The following SCFD2 variants were observed in gnomAD, a reference collection of about 807,000 sequenced individuals.
The protein encoded by SCFD2 is sec1 family domain-containing protein 2.
Under a neutral mutation model 58.9 loss-of-function variants are expected in SCFD2, and 54 were observed. That is an observed-to-expected ratio of 0.92 (90% CI 0.74 to 1.15). The LOEUF (loss-of-function observed/expected upper bound fraction) is 1.15. Among genes scored for constraint, SCFD2 ranks in the 50% most tolerant of loss-of-function variants. SCFD2 has a pLI of 0.00. For synonymous variants in SCFD2, 321 were observed against 335.9 expected (o/e 0.96, Z 0.49); for missense variants, 805 against 836.6 (o/e 0.96, Z 0.47).
chr4:53,201,165 C>A (rs1728221524), intron 4 of SCFD2, among the ~76,000 whole-genome samples: 2 of 149,418 alleles, frequency 1.3e-5, no homozygotes, highest in Admixed American at 6.7e-5. Flanking sequence ...CTAATGCTAT[C>A]CCTCCCTCCT....
At chr4:53,299,738 G>C (rs1164609142) in intron 3 of SCFD2, among the ~76,000 whole-genome samples, 8 of 152,188 alleles carry the variant, frequency 5.3e-5, no homozygotes, top group South Asian at 4.2e-4. Flanking sequence ...ATCAGACTAA[G>C]AGCTGATCTC....
chr4:53,105,070 C>T (rs1230813819), intron 5 of SCFD2, among the ~76,000 whole-genome samples: 4 of 152,020 alleles, frequency 2.6e-5, no homozygotes, highest in Non-Finnish European at 4.4e-5. Context: ...TGCCTTACCC[C>T]AGAAGTGCAA....
chr4:52,900,124 T>C (rs1719146341), intron 7 of SCFD2, among the ~76,000 whole-genome samples: 1 of 152,198 alleles, frequency 6.6e-6, no homozygotes, highest in South Asian at 2.1e-4. Context: ...AGTAGTTTGA[T>C]CTTCTGCAGC....
At chr4:52,900,992 G>A (rs1304880062) in intron 7 of SCFD2, among the ~76,000 whole-genome samples, 1 of 152,196 alleles carries the variant, frequency 6.6e-6, no homozygotes, top group Non-Finnish European at 1.5e-5. Context: ...CCCATTGGAA[G>A]AGCACAGTAT....
chr4:53,189,466 G>A (rs1451760757), intron 4 of SCFD2, among the ~76,000 whole-genome samples: 1 of 152,146 alleles, frequency 6.6e-6, no homozygotes, highest in Non-Finnish European at 1.5e-5. Flanking sequence ...ATCATGGACT[G>A]GGTAGCTTAA....
intron 5 of SCFD2, among the ~76,000 whole-genome samples, chr4:53,031,372 C>T (rs984929158): frequency 1.2e-4 from 19 of 152,302 alleles, no homozygotes; most frequent in African/African-American, 4.1e-4. Context: ...GCCTCTTCTC[C>T]TCTAAAGGAT....
At chr4:53,255,197 T>TTTTA (rs36000814) in intron 4 of SCFD2, among the ~76,000 whole-genome samples, 3,382 of 140,668 alleles carry the variant, frequency 0.024, 125 homozygotes, top group African/African-American at 0.075. Flanking sequence ...TTTTTTTCTT[T>TTTTA]TTTATTTATT....
intron 5 of SCFD2, among the ~76,000 whole-genome samples, chr4:53,123,858 G>A (rs1280049477): frequency 1.3e-5 from 2 of 152,182 alleles, no homozygotes; most frequent in Non-Finnish European, 2.9e-5. Context: ...GTAGGTCTAG[G>A]GTAGGACCTG....
intron 2 of SCFD2, among the ~76,000 whole-genome samples, chr4:53,335,854 T>A (rs1733668191): frequency 6.6e-6 from 1 of 152,214 alleles, no homozygotes; most frequent in Non-Finnish European, 1.5e-5. Flanking sequence ...AATGCAGCCA[T>A]ACCAAGCATC....
chr4:53,010,461 G>C (rs1722070086), intron 5 of SCFD2, among the ~76,000 whole-genome samples: 1 of 152,202 alleles, frequency 6.6e-6, no homozygotes, highest in Non-Finnish European at 1.5e-5. Context: ...GACACGCTAA[G>C]TTCTGCTGAA....
Position 53,335,580 on chromosome 4 carries a change from C to T in SCFD2, c.1007+17018G>A, listed in dbSNP as rs564282080. On this transcript the variant is annotated intron_variant, in intron 2 of 8. Coordinates refer to ENST00000401642, the MANE Select transcript of SCFD2 (RefSeq NM_152540.4). ...ATTATGACTATGTTGGAAAATATCC[C>T]TTTGAGAGAAATAAATACTAAAATA... 1.4e-4 allele frequency among the ~76,000 whole-genome samples: 21 copies of T among 152,238 alleles called. 1 individual carries two copies. The highest frequency in any genetic ancestry group is 4.3e-4 in the African/African-American group (18 of 41,550).
At chr4:53,048,723 C>T (rs186585007) in intron 5 of SCFD2, among the ~76,000 whole-genome samples, 6 of 152,296 alleles carry the variant, frequency 3.9e-5, no homozygotes, top group Non-Finnish European at 7.4e-5. Context: ...GATGGCCCTC[C>T]AGGCCCTGGG....
In SCFD2 at chr4:52,964,993, A is replaced by C. The variant is rs147202571; in HGVS notation, c.1562-44123T>G. Among the ~76,000 whole-genome samples, 7 of 147,930 alleles carry C rather than the reference A, an allele frequency of 4.7e-5. No homozygotes were observed. In the East Asian group the frequency reaches 1.4e-3, roughly 29 times the overall value. On this transcript the variant is annotated intron_variant, in intron 5 of 8. Coordinates refer to ENST00000401642, the MANE Select transcript of SCFD2 (RefSeq NM_152540.4). ...AAAGGCAAAATGTATGGTGGTGACT[A>C]AATGAATAAAACAAAACACAAACAC... is the stretch of plus-strand genomic sequence containing the variant.
chr4:53,058,336 G>T (rs1209355314), intron 5 of SCFD2, among the ~76,000 whole-genome samples: 1 of 151,936 alleles, frequency 6.6e-6, no homozygotes, highest in Non-Finnish European at 1.5e-5. Context: ...TAATGTTATA[G>T]TTAGTAAAAC....
chr4:53,198,395 T>G (rs1267874565), intron 4 of SCFD2, among the ~76,000 whole-genome samples: 1 of 151,878 alleles, frequency 6.6e-6, no homozygotes, highest in Non-Finnish European at 1.5e-5. Flanking sequence ...TAATTTCAAC[T>G]AAAAAATTAT....
At chr4:53,110,842 T>C (rs990707465) in intron 5 of SCFD2, among the ~76,000 whole-genome samples, 1 of 152,240 alleles carries the variant, frequency 6.6e-6, no homozygotes, top group African/African-American at 2.4e-5. Context: ...ACTGGGTATA[T>C]ACCCAAAGGA....
chr4:53,357,102 A>G (rs1734423252), intron 1 of SCFD2, among the ~76,000 whole-genome samples: 1 of 152,080 alleles, frequency 6.6e-6, no homozygotes. Flanking sequence ...TCCTTGAGTA[A>G]TAGATAATAT....
In SCFD2 at chr4:53,024,606, C is replaced by T. The variant is rs548492938; in HGVS notation, c.1562-103736G>A. Among the ~76,000 whole-genome samples the T allele has an allele frequency of 7.7e-4, 117 of 152,074 alleles. 1 individual carries two copies. In the South Asian group the frequency reaches 0.023, roughly 30 times the overall value. On this transcript the variant is annotated intron_variant, in intron 5 of 8. Transcript: ENST00000401642. ...AGTGCCAAATTGAGACCACTACTTT[C>T]TGCCAAAATTCTAAAAAATAAAAAT...
intron 2 of SCFD2, among the ~76,000 whole-genome samples, chr4:53,335,690 T>G (rs1027595392): frequency 2.3e-4 from 35 of 152,178 alleles, no homozygotes; most frequent in African/African-American, 8.2e-4. Context: ...TTCTGAAACT[T>G]TTTTGTATGT....
Sources: gnomAD v4.1 joint callset for allele counts (sites outside exome capture counted in the v4.1 genomes callset) on GRCh38, gnomAD v4.1.1 for gene constraint, MANE v1.5 for transcripts, NCBI Gene and HGNC (gene_info 2026-07-23, HGNC 2026-07-21) for gene names.